The following FBXO11 variants were observed in gnomAD, a reference collection of about 807,000 sequenced individuals.
The protein encoded by FBXO11 is F-box only protein 11.
Under a neutral mutation model 117.0 loss-of-function variants are expected in FBXO11, and 13 were observed. That is an observed-to-expected ratio of 0.11 (90% confidence interval 0.07 to 0.18). The LOEUF is 0.18. Among genes scored for constraint, FBXO11 ranks in the 10% least tolerant of loss-of-function variants. The pLI is 1.00. For synonymous variants in FBXO11, 490 were observed against 380.5 expected (o/e 1.29, Z -3.35); for missense variants, 767 against 1,164.4 (o/e 0.66, Z 4.97).
chr2:47,884,349 TC>T (rs1676657355), intron 1 of FBXO11, among the ~76,000 whole-genome samples: 1 of 152,216 alleles, frequency 6.6e-6, no homozygotes, highest in African/African-American at 2.4e-5. Flanking sequence ...CGCCACCAAC[TC>T]CCGTCATTAC....
chr2:47,808,343 A>C lies in FBXO11; in HGVS notation c.2640T>G (p.Phe880Leu). The change falls in exon 22 of 23, where the codon TTT becomes TTG. Residue 880 changes from phenylalanine to leucine, a missense_variant. By Grantham distance (22) the Phe-to-Leu change is conservative. This residue lies in a region of FBXO11 where 47 missense variants were observed against 117.3 expected (regional missense o/e 0.40). Transcript: ENST00000403359. ...GTGCTACATACCTATCATGTCTAATAAACTCTACATCATGTCCCTGATGGC... is the reference window on the plus strand; with the variant it reads ...GTGCTACATACCTATCATGTCTAATCAACTCTACATCATGTCCCTGATGGC... ...KKCHQGHDVE[F>L]IRHDRFFCDC... 6.2e-7 allele frequency: 1 copy of C among 1,612,490 alleles called. No individual in the cohort carries two copies. The highest frequency in any genetic ancestry group is 8.5e-7 in the Non-Finnish European group (1 of 1,179,170).
chr2:47,901,088 TATATATAC>T (rs1439314527), intron 1 of FBXO11, among the ~76,000 whole-genome samples: 8 of 100,040 alleles, frequency 8.0e-5, no homozygotes, highest in South Asian at 2.9e-4. Context: ...CGTGTGTACA[TATATATAC>T]ATATATATGT....
At position 47,806,974 on chromosome 2, in the gene FBXO11, T is replaced by G; in HGVS notation, c.*1144A>C. Reference sequence around the variant, plus strand: ...AATGACCATTTTTCCATTTTCTTTCTAGGAAATTAAACCCTTTTAATTCTT... The same window carrying G: ...AATGACCATTTTTCCATTTTCTTTCGAGGAAATTAAACCCTTTTAATTCTT... On this transcript the variant is annotated 3_prime_UTR_variant, in exon 23 of 23. Transcript: ENST00000403359. 1 of 845,700 alleles carries G rather than the reference T, an allele frequency of 1.2e-6. No individual in the cohort carries two copies. The highest frequency in any genetic ancestry group is 1.9e-6 in the Non-Finnish European group (1 of 514,958). The allele number at this position is 845,700 out of a possible 1,614,324, so 52.4% of individuals were successfully genotyped here. A position where few individuals can be genotyped will look rare whatever the true frequency, so the allele number is the denominator to read the frequency against.
At chr2:47,895,885 C>G (rs1372484935) in intron 1 of FBXO11, among the ~76,000 whole-genome samples, 2 of 152,044 alleles carry the variant, frequency 1.3e-5, no homozygotes, top group African/African-American at 4.8e-5. Context: ...TTAGTAGAGA[C>G]AGGGTTTCAC....
chr2:47,821,568 C>T (rs534997533), intron 13 of FBXO11, among the ~76,000 whole-genome samples: 9 of 151,536 alleles, frequency 5.9e-5, no homozygotes, highest in African/African-American at 2.2e-4. Context: ...CGAGATTGCG[C>T]CACTGCACTC....
chr2:47,823,951 C>G (rs1035095225), intron 11 of FBXO11, among the ~76,000 whole-genome samples: 6 of 151,954 alleles, frequency 3.9e-5, no homozygotes, highest in African/African-American at 1.5e-4. Flanking sequence ...CCCGCCTCAG[C>G]CTTCTGAGTA....
At chr2:47,813,162 C>T (rs1425461787) in intron 18 of FBXO11, 72 bp downstream of exon 18, 3 of 1,426,720 alleles carry the variant, frequency 2.1e-6, no homozygotes, top group Non-Finnish European at 3.0e-6. Flanking sequence ...TTAGCAATGT[C>T]ATTGATCATT....
At chr2:47,901,932 A>G (rs547498896) in intron 1 of FBXO11, among the ~76,000 whole-genome samples, 1 of 152,300 alleles carries the variant, frequency 6.6e-6, no homozygotes, top group African/African-American at 2.4e-5. Context: ...GTCACTGCGT[A>G]AAATACAGTT....
intron 2 of FBXO11, 70 bp from the exon 3 acceptor site, chr2:47,839,570 G>A: frequency 3.1e-6 from 5 of 1,603,226 alleles, no homozygotes; most frequent in Non-Finnish European, 4.3e-6. Flanking sequence ...TCTAAAAAAG[G>A]ATGACATTCC....
rs1202815886 is a variant in FBXO11 at position 47,808,379 on chromosome 2, G to A, written c.2604C>T (p.Cys868=). Reference sequence around the variant, plus strand: ...CATGTCCCTGATGGCACTTCTTAATGCAGTTCACACATATGGCATTTCGAT... The same window carrying A: ...CATGTCCCTGATGGCACTTCTTAATACAGTTCACACATATGGCATTTCGAT... ...TTDRNAICVN[C]IKKCHQGHDV... The change falls in exon 22 of 23, where the codon TGC becomes TGT. Residue 868 remains cysteine, a synonymous_variant. Coordinates refer to ENST00000403359, the MANE Select transcript of FBXO11 (RefSeq NM_001190274.2). The A allele has an allele frequency of 1.2e-6, 2 of 1,611,906 alleles. No individual in the cohort carries two copies. The highest frequency in any genetic ancestry group is 1.7e-6 in the Non-Finnish European group (2 of 1,179,056).
chr2:47,808,410 G>C lies in FBXO11; in HGVS notation c.2573C>G (p.Thr858Ser). 1 of 1,597,382 alleles carries C rather than the reference G, an allele frequency of 6.3e-7. No individual in the cohort carries two copies. Among genetic ancestry groups the C allele is most frequent in the Non-Finnish European group, 8.5e-7 (1 of 1,174,266 alleles). Residue 858 changes from threonine to serine, a missense_variant, in exon 22 of 23, where the codon ACC (threonine) becomes AGC (serine). Thr to Ser is a moderately conservative substitution (Grantham distance 58, BLOSUM62 1). Transcript: ENST00000403359. ...HDFYRCHTCN[T>S]TDRNAICVNC... ...CACACATATGGCATTTCGATCTGTG[G>C]TGTTACAAGTATGACATCTAAAAAG...
intron 11 of FBXO11, among the ~76,000 whole-genome samples, chr2:47,826,142 TCCATGTC>T (rs1433606271): frequency 3.3e-5 from 5 of 152,192 alleles, no homozygotes; most frequent in Admixed American, 2.6e-4. Context: ...CACTGCAACC[TCCATGTC>T]CCGGGTTCAC....
intron 1 of FBXO11, among the ~76,000 whole-genome samples, chr2:47,855,200 A>AT (rs879453061): frequency 0.02 from 2,880 of 144,848 alleles, 62 homozygotes; most frequent in African/African-American, 0.052. Context: ...AGGTAGACTC[A>AT]TTTTTTTTTT....
rs1463512522 is a variant in FBXO11 at position 47,807,081 on chromosome 2, C to A, written c.*1037G>T. On this transcript the variant is annotated 3_prime_UTR_variant, in exon 23 of 23. Transcript: ENST00000403359. ...TATGGTACATGCATACACTTTCAGGCTGTTTTATACCCACTGTCACCAATA... is the reference window on the plus strand; with the variant it reads ...TATGGTACATGCATACACTTTCAGGATGTTTTATACCCACTGTCACCAATA... 3 of 537,840 alleles carry A rather than the reference C, an allele frequency of 5.6e-6. No homozygotes were observed. Among genetic ancestry groups the A allele is most frequent in the Non-Finnish European group, 9.8e-6 (3 of 304,868 alleles). 33.3% of individuals were successfully genotyped at this position (537,840 alleles called of 1,614,324 possible). A position where few individuals can be genotyped will look rare whatever the true frequency, so the allele number is the denominator to read the frequency against.
At chr2:47,901,107 ATATATGTACACACGTGTGTACATG>A (rs1261245849) in intron 1 of FBXO11, among the ~76,000 whole-genome samples, 76 of 100,750 alleles carry the variant, frequency 7.5e-4, no homozygotes, top group African/African-American at 1.5e-3. Context: ...ATATATATGT[ATATATGTACACACGTGTGTACATG>A]TATATATATA....
At chr2:47,900,832 GTATACACACACGTGTATA>G (rs1447324376) in intron 1 of FBXO11, among the ~76,000 whole-genome samples, 8 of 34,918 alleles carry the variant, frequency 2.3e-4, no homozygotes, top group Non-Finnish European at 3.5e-4. Flanking sequence ...ATATATACAC[GTATACACACACGTGTATA>G]TATATACACG....
intron 1 of FBXO11, among the ~76,000 whole-genome samples, chr2:47,846,960 G>C (rs1280916387): frequency 6.6e-6 from 1 of 152,118 alleles, no homozygotes; most frequent in East Asian, 1.9e-4. Context: ...TACGTTCTGA[G>C]AAGGCTGGTC....
chr2:47,869,721 G>A (rs550823854), intron 1 of FBXO11, among the ~76,000 whole-genome samples: 1 of 152,238 alleles, frequency 6.6e-6, no homozygotes, highest in Non-Finnish European at 1.5e-5. Flanking sequence ...TAAGTTATAG[G>A]ATTTCAAGAA....
intron 1 of FBXO11, among the ~76,000 whole-genome samples, chr2:47,842,221 G>A (rs1212975924): frequency 3.3e-5 from 5 of 151,564 alleles, no homozygotes; most frequent in African/African-American, 1.2e-4. Flanking sequence ...TCACAATGTT[G>A]GCCAGGATGG....
Sources: allele counts gnomAD v4.1 joint callset (sites outside exome capture counted in the v4.1 genomes callset), GRCh38; gene constraint gnomAD v4.1.1; regional missense constraint gnomAD v4.1.1; transcripts MANE v1.5; gene names NCBI Gene and HGNC (gene_info 2026-07-23, HGNC 2026-07-21).